Variants in VCF2 observed in about 807,000 individuals in gnomAD.
VCF2 encodes protein VCF2.
chrX:55,144,603 T>C, the VCF2 span, among the ~76,000 whole-genome samples: 1 of 111,933 alleles, frequency 8.9e-6, no homozygotes. Context: ...TGTGTGTGTG[T>C]GTGTGTGTGT....
chrX:55,150,830 G>A, the VCF2 span, among the ~76,000 whole-genome samples: 8 of 111,703 alleles, frequency 7.2e-5, no homozygotes, highest in South Asian at 3.1e-3. Context: ...CTCCCACAGA[G>A]AGCTAATGTG....
the VCF2 span, among the ~76,000 whole-genome samples, chrX:55,160,160 C>T: frequency 8.9e-6 from 1 of 111,734 alleles, no homozygotes; most frequent in Non-Finnish European, 1.9e-5. Context: ...AAAAAATGAC[C>T]GGGTGTAAAT....
At chrX:55,152,442 G>A in the VCF2 span, among the ~76,000 whole-genome samples, 12 of 111,095 alleles carry the variant, frequency 1.1e-4, no homozygotes, top group African/African-American at 3.9e-4. Context: ...CTAAAAATAA[G>A]GTTTCCTAAT....
the VCF2 span, chrX:55,161,022 T>C: frequency 1.7e-6 from 2 of 1,170,074 alleles, no homozygotes; most frequent in Non-Finnish European, 2.3e-6. Flanking sequence ...AGAAAATACA[T>C]ATCCGCTGCG....
chrX:55,153,521 ATT>A, the VCF2 span, among the ~76,000 whole-genome samples: 4 of 100,842 alleles, frequency 4.0e-5, no homozygotes, highest in East Asian at 9.3e-4. Flanking sequence ...CGCCCAGCTA[ATT>A]TTTTTTTTTT....
chrX:55,145,170 CA>C, the VCF2 span: 1 of 285,691 alleles, frequency 3.5e-6, no homozygotes, highest in Non-Finnish European at 4.7e-6. Context: ...ATAAAGTGGA[CA>C]GTTGTCCAAC....
the VCF2 span, among the ~76,000 whole-genome samples, chrX:55,155,380 G>C: frequency 1.3e-4 from 14 of 111,973 alleles, no homozygotes; most frequent in Non-Finnish European, 2.3e-4. Flanking sequence ...TATCAAGCAA[G>C]AGGCAATGCA....
At chrX:55,155,008 C>T in the VCF2 span, among the ~76,000 whole-genome samples, 1 of 111,891 alleles carries the variant, frequency 8.9e-6, no homozygotes, top group East Asian at 2.8e-4. Context: ...ATAGAGGAGG[C>T]TTCTTAAAAT....
the VCF2 span, chrX:55,160,893 G>A: frequency 1.7e-6 from 2 of 1,155,391 alleles, no homozygotes; most frequent in South Asian, 1.9e-5. Flanking sequence ...TTCTTTCGGA[G>A]AAGGCTTCGC....
the VCF2 span, among the ~76,000 whole-genome samples, chrX:55,144,135 T>C: frequency 2.7e-5 from 3 of 111,817 alleles, no homozygotes; most frequent in East Asian, 8.4e-4. Context: ...AATGGAAATT[T>C]GCTTTCTCAG....
the VCF2 span, among the ~76,000 whole-genome samples, chrX:55,153,399 G>A: frequency 4.8e-5 from 5 of 103,208 alleles, no homozygotes; most frequent in African/African-American, 1.8e-4. Flanking sequence ...CTGTCACCCA[G>A]GCTGGAGTGC....
At chrX:55,154,662 C>CT in the VCF2 span, among the ~76,000 whole-genome samples, 1 of 112,032 alleles carries the variant, frequency 8.9e-6, no homozygotes, top group African/African-American at 3.2e-5. Flanking sequence ...ACCAAAGAAA[C>CT]TTTGAGGCCA....
chrX:55,158,070 T>C, the VCF2 span, among the ~76,000 whole-genome samples: 1 of 112,347 alleles, frequency 8.9e-6, no homozygotes, highest in Admixed American at 9.4e-5. Context: ...GAACAAATTA[T>C]ATAAGTTAAA....
the VCF2 span, among the ~76,000 whole-genome samples, chrX:55,154,084 C>T: frequency 8.9e-5 from 10 of 112,033 alleles, no homozygotes; most frequent in South Asian, 3.7e-4. Flanking sequence ...ACACTTGAAA[C>T]TGCTATCTTA....
chrX:55,144,772 G>C, the VCF2 span, among the ~76,000 whole-genome samples: 1 of 112,706 alleles, frequency 8.9e-6, no homozygotes, highest in African/African-American at 3.2e-5. Context: ...ATAGTTCTCA[G>C]ATCTGCTAGT....
chrX:55,145,252 C>T, the VCF2 span: 1 of 666,009 alleles, frequency 1.5e-6, no homozygotes, highest in Non-Finnish European at 1.8e-6. Flanking sequence ...TAACTCTATA[C>T]ATAATAGATG....
the VCF2 span, among the ~76,000 whole-genome samples, chrX:55,152,881 C>T: frequency 9.0e-6 from 1 of 111,510 alleles, no homozygotes; most frequent in South Asian, 3.8e-4. Context: ...GAAAGTCACC[C>T]CTCTGCTCAC....
the VCF2 span, among the ~76,000 whole-genome samples, chrX:55,144,159 C>T: frequency 8.3e-4 from 93 of 111,747 alleles, no homozygotes; most frequent in East Asian, 7.3e-3. Context: ...TTCAACTACA[C>T]TGTGTTTTTA....
the VCF2 span, chrX:55,145,679 C>A: frequency 1.3e-6 from 1 of 760,022 alleles, no homozygotes; most frequent in Non-Finnish European, 1.6e-6. Flanking sequence ...AAGCTACATA[C>A]CTCTTTACTA....
Sources: gnomAD v4.1 joint callset for allele counts (sites outside exome capture counted in the v4.1 genomes callset) on GRCh38, gnomAD v4.1.1 for gene constraint, MANE v1.5 for transcripts, NCBI Gene and HGNC (gene_info 2026-07-23, HGNC 2026-07-21) for gene names.